Variants in SNX11 observed in about 807,000 individuals in gnomAD.
The protein encoded by SNX11 is sorting nexin-11.
SNX11 carries 19 observed loss-of-function variants against 30.7 expected under a neutral mutation model. That is an observed-to-expected ratio of 0.62 (90% CI 0.43 to 0.91). The LOEUF (loss-of-function observed/expected upper bound fraction) is 0.91, where lower values mean the gene tolerates loss of function less well. Among genes scored for constraint, SNX11 ranks in the 40% least tolerant of loss-of-function variants. The pLI is 0.00. For missense variants in SNX11, 302 were observed against 326.7 expected (o/e 0.92, Z 0.58); for synonymous variants, 112 against 119.0 (o/e 0.94, Z 0.38).
rs7222136 is a variant in SNX11 at position 48,122,230 on chromosome 17, C to A, written c.*722C>A. ...GCCTTTATTTTGGGAAAGGCTGTCC[C>A]GGGCTGTTACTGTCTCTTCTGGTTA... On this transcript the variant is annotated 3_prime_UTR_variant, in exon 7 of 7. Coordinates refer to ENST00000359238, the MANE Select transcript of SNX11 (RefSeq NM_013323.3). The A allele has an allele frequency of 1.3e-5, 2 of 153,648 alleles. No individual in the cohort carries two copies. The highest frequency in any genetic ancestry group is 2.4e-5 in the African/African-American group (1 of 41,394). The allele number at this position is 153,648 out of a possible 1,614,324, so 9.5% of individuals were successfully genotyped here. A position where few individuals can be genotyped will look rare whatever the true frequency, so the allele number is the denominator to read the frequency against.
At chr17:48,111,192 C>T in intron 1 of SNX11, 1 of 915,586 alleles carries the variant, frequency 1.1e-6, no homozygotes, top group Non-Finnish European at 1.3e-6. Context: ...CCCAACTGGG[C>T]AACCCACTCA....
chr17:48,112,606 A>G lies in SNX11; in HGVS notation c.75A>G (p.Arg25=), dbSNP rs1303753963. Residue 25 remains arginine (R), a synonymous_variant, in exon 3 of 7, where the codon CGA becomes CGG. Transcript: ENST00000359238. ...TTACAGTGCGTGTTCAGGACCCCCG[A>G]GTGCAGAATGAGGGCTCCTGGAACT... ...EVITVRVQDP[R]VQNEGSWNSY... is the part of the protein sequence containing the mutation. 1 of 1,613,594 alleles carries G rather than the reference A, an allele frequency of 6.2e-7. No homozygotes were observed. Among genetic ancestry groups the G allele is most frequent in the Non-Finnish European group, 8.5e-7 (1 of 1,179,790 alleles).
Position 48,119,012 on chromosome 17 carries a change from T to G in SNX11, c.365T>G (p.Leu122Trp). 6.2e-7 allele frequency: 1 copy of G among 1,614,098 alleles called. No homozygotes were observed. Among genetic ancestry groups the G allele is most frequent in the East Asian group, 2.2e-5 (1 of 44,882 alleles). ...GTGGTTCTCCTGTCAGACAGCCAGTTGCACCTATTCCTGCAAAGCCAGCTC... is the reference window on the plus strand; with the variant it reads ...GTGGTTCTCCTGTCAGACAGCCAGTGGCACCTATTCCTGCAAAGCCAGCTC... ...QSVVLLSDSQLHLFLQSQLSV... is the reference protein window; with the variant it reads ...QSVVLLSDSQWHLFLQSQLSV... The change falls in exon 6 of 7, where the codon TTG becomes TGG. Residue 122 changes from leucine to tryptophan, a missense_variant. By Grantham distance (61) the Leu-to-Trp change is moderately conservative. Transcript: ENST00000359238.
chr17:48,115,610 A>C (rs1212421092), intron 4 of SNX11, among the ~76,000 whole-genome samples: 2 of 151,760 alleles, frequency 1.3e-5, no homozygotes, highest in Non-Finnish European at 2.9e-5. Context: ...AAAAATAATG[A>C]TTTTTTTTTC....
chr17:48,109,509 C>A (rs1365665161), intron 1 of SNX11, among the ~76,000 whole-genome samples: 1 of 151,906 alleles, frequency 6.6e-6, no homozygotes, highest in Non-Finnish European at 1.5e-5. Context: ...TCGCCCGCCT[C>A]GGCCTCCCAA....
At chr17:48,115,696 C>A (rs2063538543) in intron 4 of SNX11, among the ~76,000 whole-genome samples, 1 of 152,126 alleles carries the variant, frequency 6.6e-6, no homozygotes, top group Non-Finnish European at 1.5e-5. Context: ...TCCTCACACC[C>A]ACCTGCCAAA....
rs780656021 is a variant in SNX11 at position 48,121,345 on chromosome 17, C to T, written c.650C>T (p.Ser217Phe). 3 of 1,614,158 alleles carry T rather than the reference C, an allele frequency of 1.9e-6. No homozygotes were observed. Among genetic ancestry groups the T allele is most frequent in the South Asian group, 2.2e-5 (2 of 91,080 alleles). Reference sequence around the variant, plus strand: ...CCAGTTGTTGACTCTGAGGTTCCTTCCTTGGAAAGTCCCACTCTCCCACCC... The same window carrying T: ...CCAGTTGTTGACTCTGAGGTTCCTTTCTTGGAAAGTCCCACTCTCCCACCC... Reference protein sequence around the residue: ...WAPVVDSEVPSLESPTLPPLS... With the variant: ...WAPVVDSEVPFLESPTLPPLS... Residue 217 changes from serine to phenylalanine, a missense_variant, in exon 7 of 7, where the codon TCC (serine) becomes TTC (phenylalanine). By Grantham distance (155) the Ser-to-Phe change is radical. Coordinates refer to ENST00000359238, the MANE Select transcript of SNX11 (RefSeq NM_013323.3).
chr17:48,121,940 C>G lies in SNX11; in HGVS notation c.*432C>G, dbSNP rs1446905799. 1 of 161,834 alleles carries G rather than the reference C, an allele frequency of 6.2e-6. No homozygotes were observed. Among genetic ancestry groups the G allele is most frequent in the African/African-American group, 2.4e-5 (1 of 41,518 alleles). The allele number at this position is 161,834 out of a possible 1,614,324, so 10.0% of individuals were successfully genotyped here. A position where few individuals can be genotyped will look rare whatever the true frequency, so the allele number is the denominator to read the frequency against. On this transcript the variant is annotated 3_prime_UTR_variant, in exon 7 of 7. Transcript: ENST00000359238. ...GGCTGGCTTCAGTTTTTGCTGTAGC[C>G]CTAGAGCACTTTGTTTGTGGGAGGC...
Position 48,121,494 on chromosome 17 carries a change from GT to G in SNX11, c.803del (p.Leu268TrpfsTer10). On this transcript the variant is annotated frameshift_variant, in exon 7 of 7. Coordinates refer to ENST00000359238, the MANE Select transcript of SNX11 (RefSeq NM_013323.3). LOFTEE classifies it high-confidence loss of function. ...VPLDPGQLET[V>X]LEK ...TTTGGACCCTGGTCAGTTAGAAACA[GT>G]TTTGGAAAAGTGAGCTCTGGGTTCT... The G allele has an allele frequency of 6.2e-7, 1 of 1,613,594 alleles. No homozygotes were observed.
intron 4 of SNX11, among the ~76,000 whole-genome samples, chr17:48,114,209 C>T (rs1472421864): frequency 4.8e-5 from 7 of 146,270 alleles, no homozygotes; most frequent in Non-Finnish European, 8.9e-5. Context: ...CTCTTGTTGC[C>T]TGGGTGCGAT....
chr17:48,110,515 T>C (rs949550791), intron 1 of SNX11, among the ~76,000 whole-genome samples: 9 of 152,240 alleles, frequency 5.9e-5, no homozygotes, highest in Non-Finnish European at 1.3e-4. Flanking sequence ...TTTGAAATGT[T>C]AGCCTTGTGT....
At chr17:48,118,477 G>T in intron 4 of SNX11, among the ~76,000 whole-genome samples, 1 of 151,804 alleles carries the variant, frequency 6.6e-6, no homozygotes, top group Middle Eastern at 3.2e-3. Flanking sequence ...TACTCGGGAG[G>T]CTGAGGCAGA....
In SNX11 at chr17:48,122,715, C is replaced by CTGAACTAAATTTTA. The variant is rs2063612999; in HGVS notation, c.*1208_*1209insGAACTAAATTTTAT. ...TGGCATTTAGTTCAGAGTGGAGGGG[C>CTGAACTAAATTTTA]TTTGGCCTGAAATAAAATGCAAGTA... On this transcript the variant is annotated 3_prime_UTR_variant, in exon 7 of 7. Coordinates refer to ENST00000359238, the MANE Select transcript of SNX11 (RefSeq NM_013323.3). The CTGAACTAAATTTTA allele has an allele frequency of 6.6e-6, 1 of 152,200 alleles. No homozygotes were observed. The highest frequency in any genetic ancestry group is 6.5e-5 in the Admixed American group (1 of 15,272). 9.4% of individuals were successfully genotyped at this position (152,200 alleles called of 1,614,324 possible).
chr17:48,112,706 T>A (rs765287303), intron 3 of SNX11, 46 bp downstream of exon 3: 5 of 1,278,222 alleles, frequency 3.9e-6, no homozygotes, highest in Middle Eastern at 2.2e-4. Context: ...TCTGCAGGGC[T>A]GAGGGGCTTG....
chr17:48,119,891 T>C (rs2063581376), intron 6 of SNX11, among the ~76,000 whole-genome samples: 1 of 152,136 alleles, frequency 6.6e-6, no homozygotes, highest in Admixed American at 6.6e-5. Flanking sequence ...AAAGAAACCC[T>C]GTACCCATGA....
At chr17:48,111,518 G>A (rs1026352386) in intron 1 of SNX11, among the ~76,000 whole-genome samples, 4 of 152,032 alleles carry the variant, frequency 2.6e-5, no homozygotes, top group Non-Finnish European at 4.4e-5. Flanking sequence ...GTGGTGGCAC[G>A]TGCCTGTAAT....
At chr17:48,115,164 C>T (rs1335371678) in intron 4 of SNX11, among the ~76,000 whole-genome samples, 2 of 150,930 alleles carry the variant, frequency 1.3e-5, no homozygotes, top group Admixed American at 6.6e-5. Context: ...TGGGTTCAAG[C>T]GATTCTCCTG....
At chr17:48,112,483 A>T (rs2063501338) in intron 2 of SNX11, 91 bp from the exon 3 acceptor site, 1 of 778,084 alleles carries the variant, frequency 1.3e-6, no homozygotes, top group South Asian at 1.5e-5. Context: ...AGTGAATGAA[A>T]GTTGGTGTTG....
At chr17:48,118,170 G>A (rs2063564006) in intron 4 of SNX11, among the ~76,000 whole-genome samples, 1 of 152,196 alleles carries the variant, frequency 6.6e-6, no homozygotes, top group South Asian at 2.1e-4. Flanking sequence ...TCTGAAGTGA[G>A]TTAATATCTT....
Sources: allele counts gnomAD v4.1 joint callset (sites outside exome capture counted in the v4.1 genomes callset), GRCh38; gene constraint gnomAD v4.1.1; transcripts MANE v1.5; gene names NCBI Gene and HGNC (gene_info 2026-07-23, HGNC 2026-07-21).